CREBBP: variants seen among roughly 807,000 people sequenced by gnomAD.
CREBBP encodes CREB-binding protein.
Under a neutral mutation model 265.0 loss-of-function variants are expected in CREBBP, and 19 were observed. The observed-to-expected ratio is 0.07, with a 90% CI of 0.05 to 0.11. CREBBP has a LOEUF of 0.11. CREBBP is among the 10% of genes least tolerant of loss of function. The probability of loss-of-function intolerance (pLI) is 1.00; values close to 1 mark genes in which losing one functional copy is unlikely to be tolerated. For synonymous variants in CREBBP, 1,457 were observed against 1,223.7 expected, an observed-to-expected ratio of 1.19 and a Z score of -3.98; for missense variants, 2,525 against 3,219.0, an observed-to-expected ratio of 0.78 and a Z score of 5.22.
intron 17 of CREBBP, among the ~76,000 whole-genome samples, chr16:3,758,478 G>A (rs942547336): frequency 1.1e-4 from 16 of 152,108 alleles, no homozygotes; most frequent in East Asian, 3.8e-4. Flanking sequence ...ACATAGAATC[G>A]GCTGGGTCCC....
At chr16:3,814,977 C>A (rs1368549876) in intron 2 of CREBBP, among the ~76,000 whole-genome samples, 1 of 152,208 alleles carries the variant, frequency 6.6e-6, no homozygotes, top group Non-Finnish European at 1.5e-5. Flanking sequence ...AGGCTACCTC[C>A]TGGTGCCAAA....
At chr16:3,862,294 G>A (rs1267229875) in intron 1 of CREBBP, among the ~76,000 whole-genome samples, 1 of 152,120 alleles carries the variant, frequency 6.6e-6, no homozygotes, top group East Asian at 1.9e-4. Context: ...AGACAGGCAG[G>A]CAGAGATGGC....
At chr16:3,754,429 A>T (rs1047425769) in intron 19 of CREBBP, among the ~76,000 whole-genome samples, 2 of 152,230 alleles carry the variant, frequency 1.3e-5, no homozygotes, top group Admixed American at 1.3e-4. Flanking sequence ...TTTCAACTTA[A>T]GCGCCTAGAT....
intron 21 of CREBBP, 132 bp downstream of exon 21, chr16:3,749,495 T>C: frequency 1.5e-6 from 1 of 651,974 alleles, no homozygotes; most frequent in Non-Finnish European, 2.8e-6. Flanking sequence ...ATCTAAAAGA[T>C]AACCTCACAC....
At chr16:3,804,610 G>T (rs2053792000) in intron 3 of CREBBP, among the ~76,000 whole-genome samples, 1 of 152,202 alleles carries the variant, frequency 6.6e-6, no homozygotes, top group Non-Finnish European at 1.5e-5. Flanking sequence ...TTACTGAGTT[G>T]TTGCTTCTTG....
Position 3,745,043 on chromosome 16 carries a change from T to C in CREBBP, c.3915-82A>G, listed in dbSNP as rs141508803. 25 of 1,089,772 alleles carry C rather than the reference T, an allele frequency of 2.3e-5. No individual in the cohort carries two copies. The East Asian group carries it at 6.0e-4, about 26-fold the overall frequency. 67.5% of individuals were successfully genotyped at this position (1,089,772 alleles called of 1,614,324 possible). A position where few individuals can be genotyped will look rare whatever the true frequency, so the allele number is the denominator to read the frequency against. On this transcript the variant is annotated intron_variant, in intron 22 of 30. Coordinates refer to ENST00000262367, the MANE Select transcript of CREBBP (RefSeq NM_004380.3). ...AACAAAATGCAGCATTCAGATAGTT[T>C]GTTGGCAGTTTAAATCACATTATTA...
At position 3,773,757 on chromosome 16, in the gene CREBBP, C is replaced by T. The variant is rs2053069226; in HGVS notation, c.2457G>A (p.Val819=). Residue 819 remains valine, a synonymous_variant, in exon 13 of 31, where the codon GTG becomes GTA. Transcript: ENST00000262367. Reference sequence around the variant, plus strand: ...TCCCAGTGGGGCACAGTACCTGTGACACGCCTGTTTGGGCTGGCGGCTGCC... The same window carrying T: ...TCCCAGTGGGGCACAGTACCTGTGATACGCCTGTTTGGGCTGGCGGCTGCC... ...GMGQPPAQTG[V]SQGQVPGAAL... The T allele has an allele frequency of 6.2e-7, 1 of 1,614,070 alleles. No individual in the cohort carries two copies. Among genetic ancestry groups the T allele is most frequent in the East Asian group, 2.2e-5 (1 of 44,888 alleles).
rs900636148 is a variant in CREBBP, at chr16:3,787,717, T to G, written c.1330+4264A>C. Among the ~76,000 whole-genome samples the G allele has an allele frequency of 2.6e-5, 4 of 152,106 alleles. No individual in the cohort carries two copies. In the South Asian group the frequency reaches 8.3e-4, roughly 32 times the overall value. On this transcript the variant is annotated intron_variant, in intron 5 of 30. Coordinates refer to ENST00000262367, the MANE Select transcript of CREBBP (RefSeq NM_004380.3). ...CTCTGTCGCCCAGGCTGGAGTGCAG[T>G]GGTGCGATCTTGGCTCACTGCAACC...
At chr16:3,772,020 T>C (rs1715698069) in intron 13 of CREBBP, among the ~76,000 whole-genome samples, 1 of 151,900 alleles carries the variant, frequency 6.6e-6, no homozygotes, top group African/African-American at 2.4e-5. Context: ...GAATTTCCCA[T>C]TTAATATTTT....
In CREBBP at chr16:3,838,137, T is replaced by G. The variant is rs568501490; in HGVS notation, c.798+12160A>C. ...GCATGGGACTGAGTGTCTGGTCAGG[T>G]GTACTATTTTAAATCTTTTATACAG... On this transcript the variant is annotated intron_variant, in intron 2 of 30. Transcript: ENST00000262367. Among the ~76,000 whole-genome samples, 16 of 152,296 alleles carry G rather than the reference T, an allele frequency of 1.1e-4. No homozygotes were observed. The South Asian group carries it at 2.9e-3, about 28-fold the overall frequency.
At chr16:3,790,033 A>G (rs2053470985) in intron 5 of CREBBP, among the ~76,000 whole-genome samples, 1 of 152,204 alleles carries the variant, frequency 6.6e-6, no homozygotes. Flanking sequence ...CCCCAAATTA[A>G]AGTTAAGAAT....
At chr16:3,828,956 T>A (rs1042660008) in intron 2 of CREBBP, among the ~76,000 whole-genome samples, 2 of 152,208 alleles carry the variant, frequency 1.3e-5, no homozygotes, top group Non-Finnish European at 2.9e-5. Flanking sequence ...TTCCTCTTAC[T>A]GTTATTCAGG....
At chr16:3,783,042 A>C (rs963304763) in intron 5 of CREBBP, 116 bp from the exon 6 acceptor site, 9 of 1,331,796 alleles carry the variant, frequency 6.8e-6, no homozygotes, top group Admixed American at 3.9e-5. Flanking sequence ...ACTACACATG[A>C]ATATCATAAA....
intron 4 of CREBBP, 126 bp downstream of exon 4, chr16:3,793,260 T>A: frequency 7.7e-7 from 1 of 1,304,838 alleles, no homozygotes; most frequent in Non-Finnish European, 1.1e-6. Flanking sequence ...CAACATGTCT[T>A]GCCACACCCA....
chr16:3,779,361 G>A (rs555474558), intron 8 of CREBBP, among the ~76,000 whole-genome samples: 6 of 152,128 alleles, frequency 3.9e-5, no homozygotes, highest in African/African-American at 1.4e-4. Context: ...TTTCTGTAGA[G>A]ATGGAGTTTT....
intron 2 of CREBBP, among the ~76,000 whole-genome samples, chr16:3,818,273 G>A (rs1048328058): frequency 1.3e-5 from 2 of 151,090 alleles, no homozygotes; most frequent in Admixed American, 1.3e-4. Context: ...AGTGCAACAA[G>A]TGCCGAGTTT....
At chr16:3,798,390 G>C (rs1304370626) in intron 3 of CREBBP, among the ~76,000 whole-genome samples, 1 of 152,200 alleles carries the variant, frequency 6.6e-6, no homozygotes, top group East Asian at 1.9e-4. Flanking sequence ...TGTGAAAGTG[G>C]AAAGTGAAAG....
chr16:3,822,600 G>A (rs1441677249), intron 2 of CREBBP, among the ~76,000 whole-genome samples: 1 of 152,134 alleles, frequency 6.6e-6, no homozygotes, highest in Non-Finnish European at 1.5e-5. Flanking sequence ...TCCTCATGGC[G>A]AATCTCCTGG....
At chr16:3,775,636 A>G (rs1269951850) in intron 11 of CREBBP, among the ~76,000 whole-genome samples, 1 of 152,320 alleles carries the variant, frequency 6.6e-6, no homozygotes, top group East Asian at 1.9e-4. Context: ...GGGAGTCTAT[A>G]ATGTAAGCTT....
Sources: gnomAD v4.1 joint callset for allele counts (sites outside exome capture counted in the v4.1 genomes callset) on GRCh38, gnomAD v4.1.1 for gene constraint, MANE v1.5 for transcripts, NCBI Gene and HGNC (gene_info 2026-07-23, HGNC 2026-07-21) for gene names.